The following CSMD1 variants were observed in gnomAD, a reference collection of about 807,000 sequenced individuals.
CSMD1 encodes CUB and Sushi multiple domains 1, also known as CUB and sushi domain-containing protein 1.
CSMD1 carries 213 observed loss-of-function variants against 417.5 expected under a neutral mutation model. The ratio of observed to expected loss-of-function variants is 0.51; its 90% confidence interval spans 0.46 to 0.57. The LOEUF is 0.57. Among genes scored for constraint, CSMD1 ranks in the 20% least tolerant of loss-of-function variants. CSMD1 has a pLI of 0.00. For missense variants in CSMD1, 6,923 were observed against 4,529.7 expected (o/e 1.53, Z -15.17); for synonymous variants, 2,862 against 1,736.8 (o/e 1.65, Z -16.11).
intron 1 of CSMD1, among the ~76,000 whole-genome samples, chr8:4,713,941 T>A (rs1808477621): frequency 6.6e-6 from 1 of 151,920 alleles, no homozygotes; most frequent in Admixed American, 6.6e-5. Flanking sequence ...GGTCAGGAGT[T>A]CAAAACCAGC....
At chr8:3,899,867 C>T (rs1410070088) in intron 5 of CSMD1, among the ~76,000 whole-genome samples, 3 of 152,194 alleles carry the variant, frequency 2.0e-5, no homozygotes, top group African/African-American at 7.2e-5. Flanking sequence ...TTCTTCAGTT[C>T]CTTTACTCCA....
chr8:4,392,208 G>A (rs978338592), intron 3 of CSMD1, among the ~76,000 whole-genome samples: 3 of 152,134 alleles, frequency 2.0e-5, no homozygotes, highest in Non-Finnish European at 4.4e-5. Flanking sequence ...TTTTTACACA[G>A]CAGATCGTTC....
intron 1 of CSMD1, among the ~76,000 whole-genome samples, chr8:4,878,272 C>A (rs930877735): frequency 6.6e-6 from 1 of 152,012 alleles, no homozygotes; most frequent in Non-Finnish European, 1.5e-5. Flanking sequence ...ATTAATGGTG[C>A]TTTCTTGACC....
At chr8:4,396,051 T>G (rs957751196) in intron 3 of CSMD1, among the ~76,000 whole-genome samples, 1 of 152,210 alleles carries the variant, frequency 6.6e-6, no homozygotes, top group Non-Finnish European at 1.5e-5. Context: ...CTAGCTATAA[T>G]GTTGGCATGC....
chr8:4,710,731 G>A (rs1808234486), intron 1 of CSMD1, among the ~76,000 whole-genome samples: 1 of 151,678 alleles, frequency 6.6e-6, no homozygotes, highest in African/African-American at 2.4e-5. Flanking sequence ...TGTAATCCCA[G>A]CTACTTGGGA....
At chr8:4,271,022 T>G (rs1270894835) in intron 3 of CSMD1, among the ~76,000 whole-genome samples, 1 of 152,172 alleles carries the variant, frequency 6.6e-6, no homozygotes, top group Admixed American at 6.5e-5. Context: ...CAGGTCCTAG[T>G]GGGAAGAGAG....
intron 6 of CSMD1, among the ~76,000 whole-genome samples, chr8:3,726,413 G>C (rs1172880746): frequency 1.3e-5 from 2 of 152,186 alleles, no homozygotes; most frequent in African/African-American, 4.8e-5. Flanking sequence ...TAATTAGAAA[G>C]GATGGAATGA....
chr8:4,739,070 A>G (rs1330548947), intron 1 of CSMD1, among the ~76,000 whole-genome samples: 1 of 152,202 alleles, frequency 6.6e-6, no homozygotes, highest in Admixed American at 6.5e-5. Context: ...TTAAACACAC[A>G]CATGTGCACA....
At chr8:3,604,307 G>T (rs951142771) in intron 8 of CSMD1, among the ~76,000 whole-genome samples, 3 of 152,110 alleles carry the variant, frequency 2.0e-5, no homozygotes, top group African/African-American at 7.2e-5. Context: ...TGCGGGGGGG[G>T]ACCAAAGGTC....
chr8:2,973,319 A>T lies in CSMD1; in HGVS notation c.8741-20T>A, dbSNP rs768400750. 6.2e-7 allele frequency: 1 copy of T among 1,608,972 alleles called. No homozygotes were observed. The highest frequency in any genetic ancestry group is 1.3e-5 in the African/African-American group (1 of 74,824). ...TATTTCCTATTGAAAACAAACACAT[A>T]CGGCAATCCACAATTGTGTTAGACT... is the stretch of plus-strand genomic sequence containing the variant. On this transcript the variant is annotated intron_variant, in intron 56 of 69. Transcript: ENST00000635120.
intron 5 of CSMD1, among the ~76,000 whole-genome samples, chr8:3,996,843 G>T (rs1310011489): frequency 1.3e-5 from 2 of 152,172 alleles, no homozygotes; most frequent in East Asian, 1.9e-4. Context: ...TGAGCCTTGT[G>T]ATTTGGAAAA....
rs1563340357 is a variant in CSMD1, at chr8:4,031,885, G to A, written c.610+20C>T. ...GCCCTGCCCTGGAGTCTGCTCACCA[G>A]CCCCCTTGTAGCACTGTACCTCTGC... On this transcript the variant is annotated intron_variant, in intron 4 of 69. Transcript: ENST00000635120. 3.8e-6 allele frequency: 6 copies of A among 1,585,982 alleles called. No individual in the cohort carries two copies. Among genetic ancestry groups the A allele is most frequent in the Admixed American group, 1.7e-5 (1 of 57,758 alleles).
chr8:3,014,760 G>T (rs1185086974), intron 52 of CSMD1, among the ~76,000 whole-genome samples: 1 of 152,050 alleles, frequency 6.6e-6, no homozygotes, highest in Non-Finnish European at 1.5e-5. Flanking sequence ...AAAACAAATT[G>T]TAAATAGTTA....
intron 3 of CSMD1, among the ~76,000 whole-genome samples, chr8:4,177,405 A>G (rs894484798): frequency 6.6e-6 from 1 of 152,138 alleles, no homozygotes; most frequent in African/African-American, 2.4e-5. Context: ...ACAACATACC[A>G]GAATCTCTGG....
chr8:3,636,861 T>G (rs1797077419), intron 7 of CSMD1, among the ~76,000 whole-genome samples: 1 of 152,214 alleles, frequency 6.6e-6, no homozygotes, highest in African/African-American at 2.4e-5. Context: ...AAGACTCATG[T>G]TGAGATATAT....
chr8:4,014,808 C>T (rs543880934), intron 4 of CSMD1, among the ~76,000 whole-genome samples: 1 of 152,276 alleles, frequency 6.6e-6, no homozygotes, highest in East Asian at 1.9e-4. Flanking sequence ...TTCATCTTTA[C>T]AGCTCTATAA....
chr8:3,260,614 C>T (rs902032834), intron 26 of CSMD1, among the ~76,000 whole-genome samples: 1 of 151,138 alleles, frequency 6.6e-6, no homozygotes, highest in Non-Finnish European at 1.5e-5. Context: ...CTGAGGATGG[C>T]TCCAGTGCTT....
chr8:4,017,575 G>C (rs780181163), intron 4 of CSMD1, among the ~76,000 whole-genome samples: 2 of 152,088 alleles, frequency 1.3e-5, no homozygotes, highest in Non-Finnish European at 2.9e-5. Flanking sequence ...CAAAGTGCTG[G>C]AATTACAGGC....
chr8:4,114,641 G>C (rs1395397327), intron 3 of CSMD1, among the ~76,000 whole-genome samples: 1 of 152,190 alleles, frequency 6.6e-6, no homozygotes, highest in Non-Finnish European at 1.5e-5. Context: ...CTTCTGGAAA[G>C]GATTATCTTT....
Sources: allele counts gnomAD v4.1 joint callset (sites outside exome capture counted in the v4.1 genomes callset), GRCh38; gene constraint gnomAD v4.1.1; transcripts MANE v1.5; gene names NCBI Gene and HGNC (gene_info 2026-07-23, HGNC 2026-07-21).